Variants in SNTG1 observed in about 807,000 individuals in gnomAD.
The protein encoded by SNTG1 is syntrophin gamma 1.
SNTG1 carries 39 observed loss-of-function variants against 74.7 expected under a neutral mutation model. The observed-to-expected ratio is 0.52, with a 90% CI of 0.40 to 0.68. The LOEUF (loss-of-function observed/expected upper bound fraction) is 0.68, where lower values mean the gene tolerates loss of function less well. SNTG1 is among the 30% of genes least tolerant of loss of function. SNTG1 has a pLI of 0.00. For synonymous variants in SNTG1, 254 were observed against 217.1 expected (o/e 1.17, Z -1.49); for missense variants, 685 against 609.5 (o/e 1.12, Z -1.30).
chr8:50,236,725 C>G (rs2085924809), intron 2 of SNTG1, among the ~76,000 whole-genome samples: 1 of 152,070 alleles, frequency 6.6e-6, no homozygotes, highest in Non-Finnish European at 1.5e-5. Context: ...GCTGGGATTA[C>G]AGGTGTGAGC....
At chr8:50,785,870 A>G (rs943426131) in intron 18 of SNTG1, among the ~76,000 whole-genome samples, 7 of 152,024 alleles carry the variant, frequency 4.6e-5, no homozygotes, top group African/African-American at 1.4e-4. Flanking sequence ...TCTTAAAATC[A>G]ATCAGAGCAA....
intron 3 of SNTG1, among the ~76,000 whole-genome samples, chr8:50,395,327 A>T (rs1200874464): frequency 2.6e-5 from 4 of 152,220 alleles, no homozygotes; most frequent in Middle Eastern, 3.4e-3. Context: ...AATACTCATC[A>T]AATTACAAGG....
intron 1 of SNTG1, among the ~76,000 whole-genome samples, chr8:49,971,097 G>GAA (rs1242704714): frequency 2.6e-4 from 39 of 152,232 alleles, no homozygotes; most frequent in Non-Finnish European, 1.5e-5. Flanking sequence ...TATCCCTGAT[G>GAA]AACATCGATG....
At chr8:50,161,827 A>T (rs1287378162) in intron 1 of SNTG1, among the ~76,000 whole-genome samples, 1 of 152,238 alleles carries the variant, frequency 6.6e-6, no homozygotes, top group African/African-American at 2.4e-5. Context: ...TTTAAGGGGC[A>T]AAAGGAAAGA....
chr8:50,371,204 T>C (rs983361875), intron 2 of SNTG1, among the ~76,000 whole-genome samples: 3 of 152,172 alleles, frequency 2.0e-5, no homozygotes, highest in Non-Finnish European at 2.9e-5. Context: ...TGCTTAACCA[T>C]TGGTCACCAC....
At chr8:50,597,362 CATATACATGTAT>C (rs749287192) in intron 13 of SNTG1, among the ~76,000 whole-genome samples, 54 of 124,478 alleles carry the variant, frequency 4.3e-4, no homozygotes, top group African/African-American at 1.5e-3. Context: ...TATATATACA[CATATACATGTAT>C]ATATACACAT....
intron 2 of SNTG1, among the ~76,000 whole-genome samples, chr8:50,314,061 A>G (rs1253398215): frequency 1.3e-5 from 2 of 149,778 alleles, no homozygotes; most frequent in Non-Finnish European, 2.9e-5. Flanking sequence ...CATTTAAAAC[A>G]CAAACAAGCC....
At chr8:50,407,653 C>T (rs2092896416) in intron 4 of SNTG1, among the ~76,000 whole-genome samples, 5 of 152,230 alleles carry the variant, frequency 3.3e-5, no homozygotes. Flanking sequence ...TCAAGCTCCT[C>T]TTGCCCACTT....
chr8:50,778,138 T>C (rs541724654), intron 18 of SNTG1, among the ~76,000 whole-genome samples: 37 of 152,322 alleles, frequency 2.4e-4, no homozygotes, highest in Non-Finnish European at 4.6e-4. Context: ...GTGTTTGCTA[T>C]TGTGAATAGT....
intron 2 of SNTG1, among the ~76,000 whole-genome samples, chr8:50,173,453 T>C (rs1170556810): frequency 6.6e-6 from 1 of 152,214 alleles, no homozygotes; most frequent in Non-Finnish European, 1.5e-5. Flanking sequence ...TGGGTTTCAA[T>C]GAGTGCCAGT....
intron 4 of SNTG1, among the ~76,000 whole-genome samples, chr8:50,430,153 T>A (rs2131517727): frequency 6.6e-6 from 1 of 152,270 alleles, no homozygotes; most frequent in Non-Finnish European, 1.5e-5. Context: ...AGTAGCCAAA[T>A]AAATTAATTG....
At chr8:50,075,958 G>T (rs1397773786) in intron 1 of SNTG1, among the ~76,000 whole-genome samples, 1 of 151,984 alleles carries the variant, frequency 6.6e-6, no homozygotes, top group African/African-American at 2.4e-5. Context: ...TCACCACAAG[G>T]GTCTGCAGCT....
chr8:50,534,151 T>A (rs1392849567), intron 10 of SNTG1, among the ~76,000 whole-genome samples: 1 of 152,194 alleles, frequency 6.6e-6, no homozygotes, highest in Non-Finnish European at 1.5e-5. Context: ...AGGTTGAATG[T>A]TAAATGTTCC....
At chr8:50,626,151 T>C (rs919558017) in intron 13 of SNTG1, among the ~76,000 whole-genome samples, 1 of 152,216 alleles carries the variant, frequency 6.6e-6, no homozygotes, top group Non-Finnish European at 1.5e-5. Flanking sequence ...CATTACTATG[T>C]TTATGAGAAT....
intron 2 of SNTG1, among the ~76,000 whole-genome samples, chr8:50,288,228 A>T (rs1206903062): frequency 6.6e-6 from 1 of 152,204 alleles, no homozygotes; most frequent in Non-Finnish European, 1.5e-5. Context: ...AAAAGGATTA[A>T]GATTGCACAC....
At chr8:50,347,624 G>A (rs1181974274) in intron 2 of SNTG1, among the ~76,000 whole-genome samples, 3 of 152,152 alleles carry the variant, frequency 2.0e-5, no homozygotes, top group South Asian at 4.1e-4. Context: ...ATGGATCTGG[G>A]AAAAGTAAGT....
intron 2 of SNTG1, among the ~76,000 whole-genome samples, chr8:50,177,272 G>C (rs994943090): frequency 6.6e-6 from 1 of 152,156 alleles, no homozygotes; most frequent in Non-Finnish European, 1.5e-5. Context: ...GGGCCCTCTT[G>C]TTCATATGAC....
chr8:50,314,763 A>C (rs80264316), intron 2 of SNTG1, among the ~76,000 whole-genome samples: 7,295 of 149,954 alleles, frequency 0.049, 340 homozygotes, highest in Middle Eastern at 0.099. Flanking sequence ...ACAATTTCAA[A>C]TTTTATTTCT....
intron 15 of SNTG1, among the ~76,000 whole-genome samples, chr8:50,685,396 G>T (rs553625316): frequency 6.6e-6 from 1 of 152,120 alleles, no homozygotes; most frequent in African/African-American, 2.4e-5. Context: ...TGCCTCCATA[G>T]ATTTCCAAGC....
Sources: allele counts gnomAD v4.1 joint callset (sites outside exome capture counted in the v4.1 genomes callset), GRCh38; gene constraint gnomAD v4.1.1; transcripts MANE v1.5; gene names NCBI Gene and HGNC (gene_info 2026-07-23, HGNC 2026-07-21).